The following SERPINI2 variants were observed in gnomAD, a reference collection of about 807,000 sequenced individuals.
SERPINI2 encodes the protein serpin I2.
In SERPINI2, 48 loss-of-function variants were observed where a neutral mutation model predicts 47.3. The observed-to-expected ratio is 1.02, with a 90% CI of 0.81 to 1.29. SERPINI2 has a LOEUF of 1.29. Ranked by LOEUF, SERPINI2 falls within the 50% of genes most tolerant of loss-of-function variation. The pLI, the probability that SERPINI2 is intolerant of heterozygous loss-of-function variation, is 0.00. For missense variants in SERPINI2, 448 were observed against 456.9 expected (o/e 0.98, Z 0.18); for synonymous variants, 135 against 149.3 (o/e 0.90, Z 0.70).
intron 5 of SERPINI2, among the ~76,000 whole-genome samples, chr3:167,457,598 AG>A (rs1323470675): frequency 6.6e-6 from 1 of 152,232 alleles, no homozygotes; most frequent in Non-Finnish European, 1.5e-5. Flanking sequence ...TAACAAATCC[AG>A]GTTATTACCA....
intron 8 of SERPINI2, among the ~76,000 whole-genome samples, chr3:167,445,472 G>A (rs1749447299): frequency 6.6e-6 from 1 of 152,128 alleles, no homozygotes; most frequent in Admixed American, 6.5e-5. Flanking sequence ...AAGATATAGG[G>A]AAAATGTGGC....
upstream of SERPINI2, among the ~76,000 whole-genome samples, chr3:167,474,978 G>A (rs139280619): frequency 2.0e-5 from 3 of 151,722 alleles, no homozygotes; most frequent in East Asian, 5.8e-4. Context: ...AGCTTTAAAT[G>A]GAATTCATTT....
At chr3:167,446,180 C>T (rs1426953644) in intron 8 of SERPINI2, among the ~76,000 whole-genome samples, 6 of 152,092 alleles carry the variant, frequency 3.9e-5, no homozygotes, top group Admixed American at 2.0e-4. Context: ...AAATGGCTAC[C>T]GCATATAGTA....
intron 5 of SERPINI2, among the ~76,000 whole-genome samples, chr3:167,454,221 A>G (rs774893079): frequency 1.4e-4 from 21 of 152,238 alleles, no homozygotes; most frequent in Admixed American, 1.3e-4. Context: ...GAAATACTGA[A>G]TGAGCTTCTT....
upstream of SERPINI2, chr3:167,474,158 C>T: frequency 2.0e-6 from 2 of 987,386 alleles, no homozygotes; most frequent in Non-Finnish European, 2.4e-6. Flanking sequence ...GTGTTCACTA[C>T]ATTTGTATTA....
At chr3:167,458,792 AT>A (rs1749890637) in intron 5 of SERPINI2, among the ~76,000 whole-genome samples, 1 of 152,208 alleles carries the variant, frequency 6.6e-6, no homozygotes, top group Admixed American at 6.5e-5. Context: ...TACTCATTGA[AT>A]GGCAATCAAT....
At chr3:167,473,945 T>C (rs1560238340) in intron 1 of SERPINI2, 58 bp downstream of exon 1, 3 of 1,186,822 alleles carry the variant, frequency 2.5e-6, no homozygotes, top group South Asian at 7.9e-5. Context: ...TAAACATTCA[T>C]AGGCAATGTT....
chr3:167,450,546 T>C (rs1749613271), intron 6 of SERPINI2, among the ~76,000 whole-genome samples: 2 of 152,002 alleles, frequency 1.3e-5, no homozygotes, highest in South Asian at 2.1e-4. Flanking sequence ...ATATTTGTAA[T>C]ATATAAGTCA....
intron 7 of SERPINI2, among the ~76,000 whole-genome samples, chr3:167,447,352 C>T (rs559452123): frequency 8.5e-5 from 13 of 152,242 alleles, no homozygotes; most frequent in African/African-American, 2.4e-4. Context: ...TGAATTACTA[C>T]GATAAATCCA....
rs181145985 is a variant in SERPINI2 at position 167,469,011 on chromosome 3, A to G, written c.248-1726T>C. ...TGTCATGTACTTAAGGTCTAAGTCT[A>G]TGTGACAAACAGCTGCCCTTTGATA... is the stretch of plus-strand genomic sequence containing the variant. On this transcript the variant is annotated intron_variant, in intron 2 of 8. Coordinates refer to ENST00000264677, the Ensembl canonical transcript of SERPINI2. Among the ~76,000 whole-genome samples, 14 of 152,346 alleles carry G rather than the reference A, an allele frequency of 9.2e-5. No individual in the cohort carries two copies. The East Asian group carries it at 2.7e-3, about 29-fold the overall frequency.
intron 6 of SERPINI2, 47 bp downstream of exon 6, chr3:167,452,889 A>G: frequency 7.9e-7 from 1 of 1,266,824 alleles, no homozygotes; most frequent in Non-Finnish European, 1.1e-6. Flanking sequence ...ATGTAGTCCT[A>G]ACAAAACAAA....
At chr3:167,468,158 G>T (rs891350599) in intron 2 of SERPINI2, among the ~76,000 whole-genome samples, 1 of 151,888 alleles carries the variant, frequency 6.6e-6, no homozygotes, top group East Asian at 1.9e-4. Context: ...TTTCAAATAG[G>T]TTCTTTCTGG....
chr3:167,449,921 A>T (rs1428358426), intron 6 of SERPINI2, among the ~76,000 whole-genome samples: 3 of 152,216 alleles, frequency 2.0e-5, no homozygotes, highest in Non-Finnish European at 4.4e-5. Flanking sequence ...ATACAGAGAG[A>T]GATCAAGTTT....
At chr3:167,474,685 T>C (rs538484213), upstream of SERPINI2, among the ~76,000 whole-genome samples, 5 of 151,898 alleles carry the variant, frequency 3.3e-5, no homozygotes, top group South Asian at 4.1e-4. Context: ...AATTGGATGA[T>C]AAAAATTGCT....
chr3:167,459,819 C>G (rs2108163753), intron 5 of SERPINI2, among the ~76,000 whole-genome samples: 1 of 152,180 alleles, frequency 6.6e-6, no homozygotes, highest in South Asian at 2.1e-4. Flanking sequence ...AGCCCTAACC[C>G]CCAGTATCTT....
chr3:167,449,252 G>A (rs1398504940), intron 7 of SERPINI2, 64 bp downstream of exon 7: 39 of 1,078,824 alleles, frequency 3.6e-5, no homozygotes, highest in Non-Finnish European at 4.9e-5. Context: ...AAAAGGGTCA[G>A]CACCATAATG....
At chr3:167,458,343 C>T (rs532338337) in intron 5 of SERPINI2, among the ~76,000 whole-genome samples, 5 of 150,716 alleles carry the variant, frequency 3.3e-5, no homozygotes, top group African/African-American at 1.2e-4. Context: ...CTCCGCCTCC[C>T]AGGTTCACGC....
At chr3:167,450,550 TAA>T (rs201759240) in intron 6 of SERPINI2, among the ~76,000 whole-genome samples, 1,617 of 152,250 alleles carry the variant, frequency 0.011, 31 homozygotes, top group African/African-American at 0.035. Context: ...TTGTAATATA[TAA>T]GTCAATAATA....
intron 5 of SERPINI2, among the ~76,000 whole-genome samples, chr3:167,455,227 A>T (rs1749750872): frequency 6.6e-6 from 1 of 152,254 alleles, no homozygotes; most frequent in Admixed American, 6.5e-5. Context: ...TTAGCAACTA[A>T]ATCATGAATG....
Sources: allele counts gnomAD v4.1 joint callset (sites outside exome capture counted in the v4.1 genomes callset), GRCh38; gene constraint gnomAD v4.1.1; transcripts MANE v1.5; gene names NCBI Gene and HGNC (gene_info 2026-07-23, HGNC 2026-07-21).